The following MTMR8 variants were observed in gnomAD, a reference collection of about 807,000 sequenced individuals.
MTMR8 encodes the protein phosphatidylinositol-3,5-bisphosphate 3-phosphatase MTMR8.
MTMR8 carries 65 observed loss-of-function variants against 39.3 expected under a neutral mutation model. The ratio of observed to expected loss-of-function variants is 1.65; its 90% CI spans 1.35 to 2.03. The LOEUF is 2.03. Among genes scored for constraint, MTMR8 ranks in the 30% most tolerant of loss-of-function variants. The pLI, the probability that MTMR8 is intolerant of heterozygous loss-of-function variation, is 0.00. For synonymous variants in MTMR8, 245 were observed against 185.2 expected, an observed-to-expected ratio of 1.32 and a Z score of -2.62; for missense variants, 777 against 538.9, an observed-to-expected ratio of 1.44 and a Z score of -4.37.
At chrX:64,366,133 T>A (rs1923947001) in intron 1 of MTMR8, among the ~76,000 whole-genome samples, 1 of 111,356 alleles carries the variant, frequency 9.0e-6, no homozygotes, top group African/African-American at 3.3e-5. Flanking sequence ...ACAAAGACAC[T>A]TAGACTCGCA....
At chrX:64,377,322 T>C (rs764703960) in intron 1 of MTMR8, among the ~76,000 whole-genome samples, 95 of 111,780 alleles carry the variant, frequency 8.5e-4, no homozygotes, top group Non-Finnish European at 8.3e-4. Flanking sequence ...ACTGTGCACC[T>C]GGAAAAGATC....
At chrX:64,330,193 C>T (rs1463824446) in intron 11 of MTMR8, among the ~76,000 whole-genome samples, 6 of 111,319 alleles carry the variant, frequency 5.4e-5, no homozygotes, top group Non-Finnish European at 9.4e-5. Flanking sequence ...ATATATTGAC[C>T]AATTTTAAGA....
chrX:64,374,700 C>T (rs1220939103), intron 1 of MTMR8, among the ~76,000 whole-genome samples: 1 of 111,310 alleles, frequency 9.0e-6, no homozygotes, highest in African/African-American at 3.3e-5. Flanking sequence ...TACCTGGACC[C>T]TGTGAATGTT....
chrX:64,389,165 G>C (rs1382314704), intron 1 of MTMR8, among the ~76,000 whole-genome samples: 3 of 111,629 alleles, frequency 2.7e-5, no homozygotes, highest in Non-Finnish European at 5.6e-5. Context: ...ACTTAGAATA[G>C]TACCTGGCAC....
intron 12 of MTMR8, chrX:64,305,332 CT>C: frequency 4.9e-6 from 1 of 205,696 alleles, no homozygotes; most frequent in Non-Finnish European, 9.2e-6. Flanking sequence ...ACTTGTGCAT[CT>C]TTTACAGTCA....
chrX:64,282,425 C>T (rs140410247), intron 12 of MTMR8, among the ~76,000 whole-genome samples: 1 of 110,586 alleles, frequency 9.0e-6, no homozygotes, highest in Non-Finnish European at 1.9e-5. Flanking sequence ...TTGATAGGTG[C>T]AGCAAACCAC....
chrX:64,373,068 TC>T (rs1231763661), intron 1 of MTMR8, among the ~76,000 whole-genome samples: 1 of 111,822 alleles, frequency 8.9e-6, no homozygotes, highest in Non-Finnish European at 1.9e-5. Context: ...TCTCATTTAA[TC>T]CTCATAATAA....
chrX:64,293,196 T>G (rs1346868349), intron 12 of MTMR8, among the ~76,000 whole-genome samples: 1 of 111,745 alleles, frequency 8.9e-6, no homozygotes, highest in African/African-American at 3.2e-5. Flanking sequence ...GTCCTCTTTT[T>G]GGGCAATAAT....
intron 12 of MTMR8, among the ~76,000 whole-genome samples, chrX:64,271,727 G>C (rs7063566): frequency 9.0e-6 from 1 of 111,567 alleles, no homozygotes; most frequent in Non-Finnish European, 1.9e-5. Flanking sequence ...ACTGGCTTCT[G>C]TCTCACCTGT....
intron 1 of MTMR8, among the ~76,000 whole-genome samples, chrX:64,381,836 C>T (rs762000803): frequency 9.0e-6 from 1 of 111,659 alleles, no homozygotes; most frequent in African/African-American, 3.3e-5. Context: ...AGCCAGTTTT[C>T]CAAGCACTAT....
rs1305340537 is a variant in MTMR8, at chrX:64,298,307, A to C, written c.1482-27234T>G. On this transcript the variant is annotated intron_variant, in intron 12 of 13. Transcript: ENST00000374852. ...TGAAGAGGTCCTTCACATCCCTTGT[A>C]AGTTGGATTCCTAGGTATTTTATTC... Among the ~76,000 whole-genome samples the C allele has an allele frequency of 2.0e-4, 20 of 101,055 alleles. No homozygotes were observed. The South Asian group carries it at 9.7e-3, about 49-fold the overall frequency. The allele number at this position is 101,055 out of a possible 115,157, so 87.8% of individuals were successfully genotyped here.
intron 4 of MTMR8, among the ~76,000 whole-genome samples, chrX:64,354,029 G>A (rs1437052070): frequency 3.6e-5 from 4 of 109,915 alleles, no homozygotes; most frequent in African/African-American, 1.3e-4. Flanking sequence ...ATGGAACTGG[G>A]GGACATTATA....
intron 10 of MTMR8, 87 bp from the exon 11 acceptor site, chrX:64,331,844 T>C (rs977238503): frequency 1.2e-6 from 1 of 814,732 alleles, no homozygotes; most frequent in Admixed American, 3.0e-5. Flanking sequence ...GGGTCATCTT[T>C]TGTCTCTGTT....
chrX:64,391,645 T>C (rs192070442), intron 1 of MTMR8, among the ~76,000 whole-genome samples: 3 of 112,354 alleles, frequency 2.7e-5, no homozygotes, highest in East Asian at 5.6e-4. Context: ...ACGATGATGA[T>C]AGTGACTGGT....
intron 12 of MTMR8, among the ~76,000 whole-genome samples, chrX:64,311,449 G>T (rs1381821491): frequency 9.0e-6 from 1 of 111,389 alleles, no homozygotes; most frequent in African/African-American, 3.3e-5. Flanking sequence ...TAGGTTGCCT[G>T]TTCACTCTGA....
intron 1 of MTMR8, among the ~76,000 whole-genome samples, chrX:64,379,618 CTG>C (rs1924357299): frequency 9.0e-6 from 1 of 111,224 alleles, no homozygotes; most frequent in Non-Finnish European, 1.9e-5. Context: ...ATATGCATGC[CTG>C]TGTCCAAATT....
At chrX:64,328,011 C>CA (rs1312149145) in intron 12 of MTMR8, among the ~76,000 whole-genome samples, 3 of 110,740 alleles carry the variant, frequency 2.7e-5, no homozygotes, top group Non-Finnish European at 5.7e-5. Flanking sequence ...AATGTAATAG[C>CA]AAAAAAATAC....
chrX:64,331,993 T>TA (rs1408522172), intron 10 of MTMR8, among the ~76,000 whole-genome samples: 1 of 111,685 alleles, frequency 9.0e-6, no homozygotes, highest in African/African-American at 3.3e-5. Context: ...TCTATTTTTT[T>TA]ATACACCCTC....
intron 9 of MTMR8, 134 bp from the exon 10 acceptor site, chrX:64,336,262 A>C: frequency 2.3e-6 from 1 of 432,413 alleles, no homozygotes; most frequent in South Asian, 4.5e-5. Context: ...TAAATGATAA[A>C]TAAGTAAGTA....
Sources: allele counts gnomAD v4.1 joint callset (sites outside exome capture counted in the v4.1 genomes callset), GRCh38; gene constraint gnomAD v4.1.1; transcripts MANE v1.5; gene names NCBI Gene and HGNC (gene_info 2026-07-23, HGNC 2026-07-21).